CLDN5: variants seen among roughly 807,000 people sequenced by gnomAD.
CLDN5 encodes the protein claudin-5.
A neutral mutation model predicts 1.3 loss-of-function variants in CLDN5; 4 were observed. That is an observed-to-expected ratio of 3.07 (90% CI 1.51 to 7.03). The LOEUF (loss-of-function observed/expected upper bound fraction) is 7.03, where lower values mean the gene tolerates loss of function less well. Ranked by LOEUF, CLDN5 falls within the 30% of genes most tolerant of loss-of-function variation. The probability of loss-of-function intolerance (pLI) is 0.00; values close to 1 mark genes in which losing one functional copy is unlikely to be tolerated. For missense variants in CLDN5, 225 were observed against 303.5 expected, an observed-to-expected ratio of 0.74 and a Z score of 1.92; for synonymous variants, 156 against 152.3, an observed-to-expected ratio of 1.02 and a Z score of -0.18.
At chr22:19,524,521 C>T (rs138141797), upstream of CLDN5, 922 of 1,409,952 alleles carry the variant, frequency 6.5e-4, 2 homozygotes, top group Middle Eastern at 0.021. Context: ...CGTGCCGCAG[C>T]CAATCACAGA....
rs1216630382 is a variant in CLDN5, at chr22:19,523,255, A to C, written c.*344T>G. 1 of 270,542 alleles carries C rather than the reference A, an allele frequency of 3.7e-6. No individual in the cohort carries two copies. The highest frequency in any genetic ancestry group is 6.9e-6 in the Non-Finnish European group (1 of 145,530). 16.8% of individuals were successfully genotyped at this position (270,542 alleles called of 1,614,324 possible). A position where few individuals can be genotyped will look rare whatever the true frequency, so the allele number is the denominator to read the frequency against. On this transcript the variant is annotated 3_prime_UTR_variant, in exon 1 of 1. Coordinates refer to ENST00000618236, the MANE Select transcript of CLDN5 (RefSeq NM_001363066.2). ...CATCCGCCCCTCCGAAGTCAGCAGG[A>C]GCCTCTGGGAAGTAAGGCAGCAGCC... is the stretch of plus-strand genomic sequence containing the variant.
At chr22:19,524,470 C>T, upstream of CLDN5, 1 of 1,430,740 alleles carries the variant, frequency 7.0e-7, no homozygotes. Context: ...CCCCCGGGCC[C>T]GGCCCCCCGG....
Position 19,524,212 on chromosome 22 carries a change from A to C in CLDN5, c.44T>G (p.Leu15Arg). Reference sequence around the variant, plus strand: ...CAGGATCAGACCCCCCCAGCCCACCAGGCACAGCACCAGGCCCAGGATCTC... The same window carrying C: ...CAGGATCAGACCCCCCCAGCCCACCCGGCACAGCACCAGGCCCAGGATCTC... Reference protein sequence around the residue: ...ALEILGLVLCLVGWGGLILAC... With the variant: ...ALEILGLVLCRVGWGGLILAC... The change falls in exon 1 of 1, where the codon CTG becomes CGG. Residue 15 changes from leucine (L) to arginine (R), a missense_variant. Around this residue, in one of 3 missense-constraint regions of CLDN5, gnomAD observed 41 missense variants for 40.5 expected, o/e 1.01. Transcript: ENST00000618236. 1 of 1,601,954 alleles carries C rather than the reference A, an allele frequency of 6.2e-7. No homozygotes were observed. Among genetic ancestry groups the C allele is most frequent in the Non-Finnish European group, 8.5e-7 (1 of 1,174,596 alleles).
chr22:19,524,312 C>T lies in CLDN5; in HGVS notation c.-57G>A. ...GCAGAACCCCCAAGGCCGTGCTGCG[C>T]GGCGCCCTGGGCGGGCCCTGGTGCC... On this transcript the variant is annotated 5_prime_UTR_variant, in exon 1 of 1. Transcript: ENST00000618236. 6.6e-7 allele frequency: 1 copy of T among 1,522,142 alleles called. No homozygotes were observed. Among genetic ancestry groups the T allele is most frequent in the Non-Finnish European group, 8.8e-7 (1 of 1,133,574 alleles). 94.3% of individuals were successfully genotyped at this position (1,522,142 alleles called of 1,614,324 possible).
Position 19,523,476 on chromosome 22 carries a change from C to T in CLDN5, c.*123G>A, listed in dbSNP as rs1055447750. 3.4e-5 allele frequency: 46 copies of T among 1,343,462 alleles called. No homozygotes were observed. The highest frequency in any genetic ancestry group is 2.7e-4 in the Middle Eastern group (1 of 3,760). 83.2% of individuals were successfully genotyped at this position (1,343,462 alleles called of 1,614,324 possible). On this transcript the variant is annotated 3_prime_UTR_variant, in exon 1 of 1. Coordinates refer to ENST00000618236, the MANE Select transcript of CLDN5 (RefSeq NM_001363066.2). ...AGCCGCGTCGGGGCGCAGAGCCGGA[C>T]GTTCCGAGGAGCCTGCGCGCCGCGC...
At position 19,523,613 on chromosome 22, in the gene CLDN5, T is replaced by A; in HGVS notation, c.643A>T (p.Lys215Ter). The change falls in exon 1 of 1, where the codon AAG becomes TAG. Residue 215 changes from lysine (K) to a stop codon, truncating the protein, a stop_gained. Coordinates refer to ENST00000618236, the MANE Select transcript of CLDN5 (RefSeq NM_001363066.2). LOFTEE classifies it high-confidence loss of function. ...RPTATGDYDK[K>*]NYV ...GCCCAGCGCCCTCAGACGTAGTTCT[T>A]CTTGTCGTAGTCGCCGGTGGCCGTG... 1 of 1,595,728 alleles carries A rather than the reference T, an allele frequency of 6.3e-7. No homozygotes were observed. The highest frequency in any genetic ancestry group is 8.5e-7 in the Non-Finnish European group (1 of 1,174,054).
upstream of CLDN5, chr22:19,524,725 G>A (rs1473447194): frequency 2.3e-6 from 3 of 1,292,132 alleles, no homozygotes; most frequent in Non-Finnish European, 2.9e-6. Flanking sequence ...ACTTCAGAAG[G>A]CGCTCGACCC....
upstream of CLDN5, chr22:19,524,623 C>A: frequency 1.5e-6 from 2 of 1,353,470 alleles, no homozygotes; most frequent in Non-Finnish European, 1.9e-6. Flanking sequence ...CCCCCAGCCC[C>A]ACCCGCCGTT....
At chr22:19,525,217 G>T, upstream of CLDN5, 1 of 1,000,552 alleles carries the variant, frequency 1.0e-6, no homozygotes. Flanking sequence ...ATCCTTGGGG[G>T]CCCAGTTCAG....
chr22:19,523,439 A>G lies in CLDN5; in HGVS notation c.*160T>C. 9.9e-7 allele frequency: 1 copy of G among 1,014,326 alleles called. No individual in the cohort carries two copies. The highest frequency in any genetic ancestry group is 1.4e-6 in the Non-Finnish European group (1 of 729,572). The allele number at this position is 1,014,326 out of a possible 1,614,324, so 62.8% of individuals were successfully genotyped here. A position where few individuals can be genotyped will look rare whatever the true frequency, so the allele number is the denominator to read the frequency against. ...AAGGTCAGCTGCGGGCGCAGGCAGG[A>G]GCGGATCCAGGAGCCGCGTCGGGGC... On this transcript the variant is annotated 3_prime_UTR_variant, in exon 1 of 1. Coordinates refer to ENST00000618236, the MANE Select transcript of CLDN5 (RefSeq NM_001363066.2).
Position 19,523,856 on chromosome 22 carries a change from C to G in CLDN5, c.400G>C (p.Val134Leu). 6.2e-7 allele frequency: 1 copy of G among 1,610,256 alleles called. No individual in the cohort carries two copies. The highest frequency in any genetic ancestry group is 8.5e-7 in the Non-Finnish European group (1 of 1,179,190). Residue 134 changes from valine (V) to leucine (L), a missense_variant, in exon 1 of 1, where the codon GTG (valine) becomes CTG (leucine). Val to Leu is a conservative substitution (Grantham distance 32). Around this residue, in one of 3 missense-constraint regions of CLDN5, gnomAD observed 165 missense variants for 211.9 expected, o/e 0.78. Coordinates refer to ENST00000618236, the MANE Select transcript of CLDN5 (RefSeq NM_001363066.2). ...LYLFCGLLAL[V>L]PLCWFANIVV... ...ATGTTGGCGAACCAGCAGAGTGGCA[C>G]GAGCGCCAGCAGCCCGCAAAACAGG...
chr22:19,524,576 A>G (rs1255233666), upstream of CLDN5: 1 of 1,357,490 alleles, frequency 7.4e-7, no homozygotes, highest in African/African-American at 1.5e-5. Flanking sequence ...CTTGAGGGGT[A>G]GCTGAGGGCG....
Position 19,524,332 on chromosome 22 carries a change from G to A in CLDN5, c.-77C>T. On this transcript the variant is annotated 5_prime_UTR_variant, in exon 1 of 1. Transcript: ENST00000618236. The stretch of plus-strand genomic sequence containing the variant: ...CTGCGCGGCGCCCTGGGCGGGCCCT[G>A]GTGCCTTTGCGCCCGCGCTCCCGGC... 1 of 1,494,866 alleles carries A rather than the reference G, an allele frequency of 6.7e-7. No individual in the cohort carries two copies. The allele number at this position is 1,494,866 out of a possible 1,614,324, so 92.6% of individuals were successfully genotyped here. A position where few individuals can be genotyped will look rare whatever the true frequency, so the allele number is the denominator to read the frequency against.
chr22:19,524,846 G>A (rs2146467226), upstream of CLDN5: 1 of 1,149,138 alleles, frequency 8.7e-7, no homozygotes, highest in Non-Finnish European at 1.1e-6. Context: ...CCCCCACCCC[G>A]TCACCGCCGT....
upstream of CLDN5, chr22:19,524,598 C>G: frequency 1.5e-6 from 2 of 1,335,268 alleles, no homozygotes; most frequent in Non-Finnish European, 9.6e-7. Context: ...GGGACCGCTC[C>G]CCGCCCGGCA....
chr22:19,524,611 C>A (rs1372872187), upstream of CLDN5: 1 of 1,347,406 alleles, frequency 7.4e-7, no homozygotes, highest in Non-Finnish European at 9.5e-7. Context: ...GCCCGGCAGC[C>A]GCCCCCAGCC....
Position 19,523,231 on chromosome 22 carries a change from A to C in CLDN5, c.*368T>G. ...TTCCGGTGGGGGCCCTGGGCTCTGC[A>C]TCCGCCCCTCCGAAGTCAGCAGGAG... is the stretch of plus-strand genomic sequence containing the variant. On this transcript the variant is annotated 3_prime_UTR_variant, in exon 1 of 1. Coordinates refer to ENST00000618236, the MANE Select transcript of CLDN5 (RefSeq NM_001363066.2). 4.3e-6 allele frequency: 1 copy of C among 235,204 alleles called. No homozygotes were observed. The highest frequency in any genetic ancestry group is 8.1e-6 in the Non-Finnish European group (1 of 123,456). 14.6% of individuals were successfully genotyped at this position (235,204 alleles called of 1,614,324 possible).
rs971530244 is a variant in CLDN5, at chr22:19,524,399, C to T, written c.-144G>A. 37 of 1,458,094 alleles carry T rather than the reference C, an allele frequency of 2.5e-5. No homozygotes were observed. The highest frequency in any genetic ancestry group is 3.4e-5 in the Non-Finnish European group (37 of 1,104,436). 90.3% of individuals were successfully genotyped at this position (1,458,094 alleles called of 1,614,324 possible). ...TTTGCCCCGCGGGTCTGTCGCACCT[C>T]CTGGGTCTGCCAGCTCCTGCCGGGG... On this transcript the variant is annotated 5_prime_UTR_variant, in exon 1 of 1. Transcript: ENST00000618236.
At chr22:19,525,280 CA>C, upstream of CLDN5, 5 of 1,000,016 alleles carry the variant, frequency 5.0e-6, no homozygotes, top group Non-Finnish European at 6.0e-6. Flanking sequence ...GTGTAGCACC[CA>C]GGGGCAGTGG....
Sources: allele counts gnomAD v4.1 joint callset, GRCh38; gene constraint gnomAD v4.1.1; regional missense constraint gnomAD v4.1.1; transcripts MANE v1.5; gene names NCBI Gene and HGNC (gene_info 2026-07-23, HGNC 2026-07-21).